SORD: variants seen among roughly 807,000 people sequenced by gnomAD.
SORD encodes sorbitol dehydrogenase, also known as (R,R)-butanediol dehydrogenase.
A neutral mutation model predicts 35.6 loss-of-function variants in SORD; 18 were observed. The observed-to-expected ratio is 0.51, with a 90% confidence interval of 0.35 to 0.75. The LOEUF is 0.75. Ranked by LOEUF, SORD falls within the 30% of genes least tolerant of loss-of-function variation. The pLI is 0.01. For missense variants in SORD, 250 were observed against 390.2 expected, an observed-to-expected ratio of 0.64 and a Z score of 3.03; for synonymous variants, 106 against 152.9, an observed-to-expected ratio of 0.69 and a Z score of 2.26.
At chr15:45,034,347 G>C (rs201617634) in intron 1 of SORD, among the ~76,000 whole-genome samples, 6 of 149,644 alleles carry the variant, frequency 4.0e-5, no homozygotes, top group South Asian at 2.1e-4. Flanking sequence ...GAGGGAAAAG[G>C]CATCTTCCTT....
intron 1 of SORD, among the ~76,000 whole-genome samples, chr15:45,033,806 T>C (rs1009184956): frequency 2.0e-5 from 3 of 150,394 alleles, no homozygotes; most frequent in African/African-American, 7.4e-5. Context: ...TTCAGGTCAT[T>C]ATTTTTTATT....
chr15:45,061,296 T>C, intron 4 of SORD, 70 bp downstream of exon 4: 1 of 1,519,852 alleles, frequency 6.6e-7, no homozygotes, highest in African/African-American at 1.4e-5. Flanking sequence ...CTGTTTCCTG[T>C]GGTTATTTCT....
chr15:45,032,684 A>G (rs1892805283), intron 1 of SORD, among the ~76,000 whole-genome samples: 1 of 152,176 alleles, frequency 6.6e-6, no homozygotes, highest in Non-Finnish European at 1.5e-5. Context: ...ACAAAGTTGA[A>G]TGGAGCCAGG....
At position 45,047,714 on chromosome 15, in the gene SORD, G is replaced by A. The variant is rs1893066210; in HGVS notation, c.265+4293G>A. Among the ~76,000 whole-genome samples, 3 of 152,226 alleles carry A rather than the reference G, an allele frequency of 2.0e-5. No individual in the cohort carries two copies. In the South Asian group the frequency reaches 6.2e-4, roughly 31 times the overall value. ...CAGGTACTGAGGCAGGATAAGGCCT[G>A]TGGGTCCTTTCCTGGCTCCTGCCAC... On this transcript the variant is annotated intron_variant, in intron 3 of 8. Transcript: ENST00000267814.
chr15:45,056,225 G>T (rs1223294957), intron 3 of SORD, among the ~76,000 whole-genome samples: 1 of 152,064 alleles, frequency 6.6e-6, no homozygotes, highest in East Asian at 1.9e-4. Flanking sequence ...TGACATGATT[G>T]TATATCTAGA....
chr15:45,045,799 T>C (rs1404981750), intron 3 of SORD, among the ~76,000 whole-genome samples: 1 of 151,726 alleles, frequency 6.6e-6, no homozygotes, highest in East Asian at 1.9e-4. Flanking sequence ...AGCTCAGGAG[T>C]TTGAGACCAG....
chr15:45,037,286 G>A lies in SORD; in HGVS notation c.67-3122G>A, dbSNP rs192999152. ...GGGAGAGTCACTGCAGCTTTGCTGT[G>A]TGGTACGAGCACAGCTGTTCAGCTC... is the stretch of plus-strand genomic sequence containing the variant. On this transcript the variant is annotated intron_variant, in intron 1 of 8. Transcript: ENST00000267814. Among the ~76,000 whole-genome samples, 123 of 152,332 alleles carry A rather than the reference G, an allele frequency of 8.1e-4. 1 individual carries two copies. The highest frequency in any genetic ancestry group is 1.5e-3 in the Non-Finnish European group (104 of 68,030).
chr15:45,070,849 G>A (rs1388636290), intron 7 of SORD: 1 of 152,182 alleles, frequency 6.6e-6, no homozygotes, highest in African/African-American at 2.4e-5. Context: ...AGAGCATTTG[G>A]AACAGTTGGC....
At chr15:45,024,442 T>C (rs926368374) in intron 1 of SORD, among the ~76,000 whole-genome samples, 1 of 152,162 alleles carries the variant, frequency 6.6e-6, no homozygotes, top group Non-Finnish European at 1.5e-5. Context: ...TATAGAACCC[T>C]TGTCCCAGCT....
At chr15:45,070,715 A>G (rs1372683824) in intron 7 of SORD, 1 of 152,270 alleles carries the variant, frequency 6.6e-6, no homozygotes, top group African/African-American at 2.4e-5. Context: ...GGGCTAAGAC[A>G]TGAGTAGGTT....
At chr15:45,066,023 C>T (rs1277605018) in intron 5 of SORD, among the ~76,000 whole-genome samples, 7 of 152,024 alleles carry the variant, frequency 4.6e-5, no homozygotes, top group Admixed American at 2.6e-4. Context: ...ACGGGTAGAT[C>T]ACTTGAGGCC....
At chr15:45,038,136 CTT>C (rs1892901172) in intron 1 of SORD, among the ~76,000 whole-genome samples, 1 of 76,546 alleles carries the variant, frequency 1.3e-5, no homozygotes, top group Non-Finnish European at 2.4e-5. Flanking sequence ...CCCTTCCTTC[CTT>C]CCTTCCTTCC....
In SORD at chr15:45,077,174, C is replaced by A. The variant is rs1354040823; in HGVS notation, c.*3644C>A. On this transcript the variant is annotated 3_prime_UTR_variant, in exon 9 of 9. Transcript: ENST00000267814. ...CTAATAATAAAGTTGCAATGACAAC[C>A]CTTGTTGCATATTTTTGTTCTCCTG... 10 of 142,506 alleles carry A rather than the reference C, an allele frequency of 7.0e-5. No individual in the cohort carries two copies. The highest frequency in any genetic ancestry group is 1.3e-4 in the Non-Finnish European group (9 of 67,834). 8.8% of individuals were successfully genotyped at this position (142,506 alleles called of 1,614,324 possible). A position where few individuals can be genotyped will look rare whatever the true frequency, so the allele number is the denominator to read the frequency against.
chr15:45,028,499 G>A (rs770557162), intron 1 of SORD, among the ~76,000 whole-genome samples: 1 of 152,226 alleles, frequency 6.6e-6, no homozygotes, highest in Non-Finnish European at 1.5e-5. Flanking sequence ...GAGAAGTATA[G>A]GAACAAAACA....
chr15:45,027,119 C>T (rs879363830), intron 1 of SORD, among the ~76,000 whole-genome samples: 2 of 152,200 alleles, frequency 1.3e-5, no homozygotes, highest in Admixed American at 1.3e-4. Context: ...GTTAGGAGAA[C>T]AAAACGAAAC....
chr15:45,039,027 G>A (rs572625482), intron 1 of SORD, among the ~76,000 whole-genome samples: 2 of 152,114 alleles, frequency 1.3e-5, no homozygotes, highest in African/African-American at 2.4e-5. Context: ...ATTTAACTTC[G>A]CAGCTTCGAA....
At chr15:45,070,821 C>T (rs1229418150) in intron 7 of SORD, 1 of 152,190 alleles carries the variant, frequency 6.6e-6, no homozygotes, top group Non-Finnish European at 1.5e-5. Context: ...GCTCTCCTTC[C>T]TCTTGTGCCC....
At chr15:45,062,134 G>A (rs542396610) in intron 4 of SORD, among the ~76,000 whole-genome samples, 10,919 of 142,628 alleles carry the variant, frequency 0.077, 646 homozygotes, top group African/African-American at 0.28. Context: ...TAAGTGGTTT[G>A]CATGCTTCAA....
At chr15:45,049,452 G>A (rs1893094060) in intron 3 of SORD, among the ~76,000 whole-genome samples, 1 of 152,098 alleles carries the variant, frequency 6.6e-6, no homozygotes, top group African/African-American at 2.4e-5. Flanking sequence ...CTCTAGGCGA[G>A]AAAAAACAAT....
Sources: gnomAD v4.1 joint callset for allele counts (sites outside exome capture counted in the v4.1 genomes callset) on GRCh38, gnomAD v4.1.1 for gene constraint, MANE v1.5 for transcripts, NCBI Gene and HGNC (gene_info 2026-07-23, HGNC 2026-07-21) for gene names.